BRAP: variants seen among roughly 807,000 people sequenced by gnomAD.
BRAP encodes the protein BRCA1-associated protein.
BRAP carries 42 observed loss-of-function variants against 73.4 expected under a neutral mutation model. That is an observed-to-expected ratio of 0.57 (90% CI 0.45 to 0.74). BRAP has a LOEUF of 0.74. Among genes scored for constraint, BRAP ranks in the 30% least tolerant of loss-of-function variants. The probability of loss-of-function intolerance (pLI) is 0.00; values close to 1 mark genes in which losing one functional copy is unlikely to be tolerated. For synonymous variants in BRAP, 255 were observed against 267.4 expected (o/e 0.95, Z 0.45); for missense variants, 593 against 751.4 (o/e 0.79, Z 2.46).
At chr12:111,653,351 G>A (rs1179656644) in intron 10 of BRAP, among the ~76,000 whole-genome samples, 1 of 152,026 alleles carries the variant, frequency 6.6e-6, no homozygotes, top group Non-Finnish European at 1.5e-5. Context: ...TGCTAGTTGT[G>A]GTCCACCAAA....
chr12:111,653,752 C>T (rs1445233189), intron 10 of BRAP, among the ~76,000 whole-genome samples: 3 of 152,104 alleles, frequency 2.0e-5, no homozygotes, highest in Admixed American at 6.6e-5. Context: ...GGGGTGCTAA[C>T]GGACAAGGGA....
chr12:111,675,754 A>G (rs1887354770), intron 4 of BRAP, among the ~76,000 whole-genome samples: 1 of 152,050 alleles, frequency 6.6e-6, no homozygotes, highest in East Asian at 1.9e-4. Context: ...CAAATCCATT[A>G]TGATCAAGTT....
chr12:111,644,322 C>A lies in BRAP; in HGVS notation c.1656G>T (p.Glu552Asp). 1.2e-6 allele frequency: 2 copies of A among 1,614,114 alleles called. No individual in the cohort carries two copies. Among genetic ancestry groups the A allele is most frequent in the East Asian group, 4.5e-5 (2 of 44,866 alleles). ...GTCCCTCCTGGATTTCCTGCCGGGT[C>A]TCGGCAGGCAGATGGTTGATCTTCT... The part of the protein sequence containing the change: ...TQQKINHLPA[E>D]TRQEIQEGQI... Residue 552 changes from glutamate (E) to aspartate (D), a missense_variant, in exon 12 of 12, where the codon GAG becomes GAT. Glu to Asp is a conservative substitution (Grantham distance 45, BLOSUM62 2). Transcript: ENST00000419234.
At chr12:111,646,123 AG>A (rs1886102517) in intron 11 of BRAP, among the ~76,000 whole-genome samples, 1 of 152,052 alleles carries the variant, frequency 6.6e-6, no homozygotes, top group African/African-American at 2.4e-5. Context: ...TCTATACAAA[AG>A]AAAAATTAAA....
rs141684278 is a variant in BRAP at position 111,646,111 on chromosome 12, C to T, written c.1416-1549G>A. Among the ~76,000 whole-genome samples, 3 of 151,952 alleles carry T rather than the reference C, an allele frequency of 2.0e-5. No individual in the cohort carries two copies. The East Asian group carries it at 5.8e-4, about 30-fold the overall frequency. On this transcript the variant is annotated intron_variant, in intron 11 of 11. Coordinates refer to ENST00000419234, the MANE Select transcript of BRAP (RefSeq NM_006768.5). ...CAGCCCGGTCAACATAGCGAGACACCGTCTATACAAAAGAAAAATTAAAAA... is the reference window on the plus strand; with the variant it reads ...CAGCCCGGTCAACATAGCGAGACACTGTCTATACAAAAGAAAAATTAAAAA...
intron 10 of BRAP, among the ~76,000 whole-genome samples, chr12:111,651,201 AG>A (rs1447589737): frequency 6.6e-6 from 1 of 151,082 alleles, no homozygotes; most frequent in African/African-American, 2.5e-5. Flanking sequence ...CAGCCTGCCT[AG>A]CAAGTCTCTA....
rs1886900427 is a variant in BRAP at position 111,665,368 on chromosome 12, A to AG, written c.896+270dup. On this transcript the variant is annotated intron_variant, in intron 6 of 11. Transcript: ENST00000419234. The surrounding 1 kb of genome is among the most constrained non-coding windows in gnomAD (Gnocchi z 4.3). ...ACTGCAGCACGAGAGCCTCAAACTA[A>AG]GCTTTGCTTTTTTTTTTCACTCTCT... 6.6e-6 allele frequency among the ~76,000 whole-genome samples: 1 copy of AG among 152,022 alleles called. No homozygotes were observed. Among genetic ancestry groups the AG allele is most frequent in the Non-Finnish European group, 1.5e-5 (1 of 68,010 alleles).
intron 3 of BRAP, 54 bp downstream of exon 3, chr12:111,681,583 C>CAAAAAAAAAAAAAAAAAAAAA: frequency 1.0e-6 from 1 of 985,304 alleles, no homozygotes; most frequent in Non-Finnish European, 1.4e-6. Context: ...TAAAGCAAAG[C>CAAAAAAAAAAAAAAAAAAAAA]AAAAAAAAAA....
chr12:111,678,301 A>C (rs1221902608), intron 4 of BRAP, among the ~76,000 whole-genome samples: 1 of 151,664 alleles, frequency 6.6e-6, no homozygotes, highest in African/African-American at 2.4e-5. Context: ...AAAAATAATA[A>C]GATGGTGTTA....
intron 11 of BRAP, among the ~76,000 whole-genome samples, chr12:111,649,636 C>T (rs1468306007): frequency 6.6e-6 from 1 of 152,238 alleles, no homozygotes; most frequent in Non-Finnish European, 1.5e-5. Flanking sequence ...AGTTCTCAGC[C>T]ACAATGGCTC....
At chr12:111,645,317 T>C (rs1886069389) in intron 11 of BRAP, among the ~76,000 whole-genome samples, 1 of 152,192 alleles carries the variant, frequency 6.6e-6, no homozygotes, top group South Asian at 2.1e-4. Context: ...TCCACCCACC[T>C]TGGCCTCCCA....
chr12:111,663,893 T>C (rs1380476463), intron 6 of BRAP, among the ~76,000 whole-genome samples: 8 of 152,206 alleles, frequency 5.3e-5, no homozygotes, highest in South Asian at 2.1e-4. Flanking sequence ...TCTCTGGCCA[T>C]GACACTTTGA....
chr12:111,681,583 CAAAAAAAA>C, intron 3 of BRAP, 46 bp downstream of exon 3: 1 of 1,116,128 alleles, frequency 9.0e-7, no homozygotes, highest in Non-Finnish European at 1.2e-6. Context: ...TAAAGCAAAG[CAAAAAAAA>C]AAAAAAAAAA....
At position 111,644,005 on chromosome 12, in the gene BRAP, G is replaced by A. The variant is rs1193212875; in HGVS notation, c.*194C>T. On this transcript the variant is annotated 3_prime_UTR_variant, in exon 12 of 12. Coordinates refer to ENST00000419234, the MANE Select transcript of BRAP (RefSeq NM_006768.5). Reference sequence around the variant, plus strand: ...CTCTTAAGACCTTTTCGAACGCAGCGCCTTTCTATCAGCTCTCCAGTCAGC... The same window carrying A: ...CTCTTAAGACCTTTTCGAACGCAGCACCTTTCTATCAGCTCTCCAGTCAGC... 9.2e-6 allele frequency: 8 copies of A among 869,146 alleles called. No individual in the cohort carries two copies. Among genetic ancestry groups the A allele is most frequent in the African/African-American group, 5.1e-5 (3 of 58,860 alleles). 53.8% of individuals were successfully genotyped at this position (869,146 alleles called of 1,614,324 possible). A position where few individuals can be genotyped will look rare whatever the true frequency, so the allele number is the denominator to read the frequency against.
intron 4 of BRAP, among the ~76,000 whole-genome samples, chr12:111,674,122 A>G (rs1017442995): frequency 3.3e-5 from 5 of 152,206 alleles, no homozygotes; most frequent in African/African-American, 9.6e-5. Flanking sequence ...GCACCAGGCA[A>G]AAATATTCCT....
chr12:111,654,971 A>G (rs1886469272), intron 10 of BRAP, among the ~76,000 whole-genome samples: 1 of 152,226 alleles, frequency 6.6e-6, no homozygotes, highest in African/African-American at 2.4e-5. Flanking sequence ...TGGAAGTCAC[A>G]GGGTTCCTTG....
At chr12:111,646,928 TTTGACACAAC>T in intron 11 of BRAP, among the ~76,000 whole-genome samples, 1 of 152,238 alleles carries the variant, frequency 6.6e-6, no homozygotes, top group East Asian at 1.9e-4. Flanking sequence ...TAGTGTGAGA[TTTGACACAAC>T]TTGACACAAT....
intron 3 of BRAP, among the ~76,000 whole-genome samples, chr12:111,680,523 C>G (rs1887559481): frequency 1.5e-5 from 2 of 133,578 alleles, no homozygotes; most frequent in Admixed American, 1.5e-4. Context: ...ATGATGAAAC[C>G]CCATCTCTGC....
intron 10 of BRAP, among the ~76,000 whole-genome samples, chr12:111,651,491 C>T (rs1886321224): frequency 6.6e-6 from 1 of 151,698 alleles, no homozygotes; most frequent in Non-Finnish European, 1.5e-5. Flanking sequence ...GAGCCAAGAT[C>T]ACACCACTGC....
Sources: allele counts gnomAD v4.1 joint callset (sites outside exome capture counted in the v4.1 genomes callset), GRCh38; gene constraint gnomAD v4.1.1; non-coding constraint Gnocchi (gnomAD v3.1); transcripts MANE v1.5; gene names NCBI Gene and HGNC (gene_info 2026-07-23, HGNC 2026-07-21).